BAZ1A: variants seen among roughly 807,000 people sequenced by gnomAD.
The protein encoded by BAZ1A is bromodomain adjacent to zinc finger domain 1A.
Under a neutral mutation model 185.2 loss-of-function variants are expected in BAZ1A, and 50 were observed. The ratio of observed to expected loss-of-function variants is 0.27; its 90% CI spans 0.22 to 0.34. The LOEUF (loss-of-function observed/expected upper bound fraction) is 0.34, where lower values mean the gene tolerates loss of function less well. Among genes scored for constraint, BAZ1A ranks in the 10% least tolerant of loss-of-function variants. BAZ1A has a pLI of 1.00. For missense variants in BAZ1A, 1,356 were observed against 1,839.9 expected (o/e 0.74, Z 4.81); for synonymous variants, 571 against 615.6 (o/e 0.93, Z 1.07).
chr14:34,827,963 T>C (rs1389565046), intron 3 of BAZ1A, among the ~76,000 whole-genome samples: 5 of 152,038 alleles, frequency 3.3e-5, no homozygotes, highest in African/African-American at 1.2e-4. Context: ...CTGGATTTTA[T>C]GGGCCATGAT....
intron 9 of BAZ1A, 48 bp downstream of exon 9, chr14:34,800,176 T>A (rs1312023259): frequency 8.0e-7 from 1 of 1,254,682 alleles, no homozygotes; most frequent in African/African-American, 1.6e-5. Flanking sequence ...ATATGTAAAG[T>A]AGTATTACTA....
intron 5 of BAZ1A, among the ~76,000 whole-genome samples, chr14:34,808,013 G>A (rs1313758539): frequency 2.0e-5 from 3 of 151,890 alleles, no homozygotes; most frequent in Non-Finnish European, 4.4e-5. Flanking sequence ...GCTGAGGCAG[G>A]AGAACAGCAT....
At position 34,774,424 on chromosome 14, in the gene BAZ1A, G is replaced by A. The variant is rs767515206; in HGVS notation, c.2900C>T (p.Ser967Phe). ...RGRSSNAYDP[S>F]QMCAEKQLEL... Reference sequence around the variant, plus strand: ...AAGTTGCTTTTCTGCACACATCTGAGATGGATCATATGCATTGGAAGATCT... The same window carrying A: ...AAGTTGCTTTTCTGCACACATCTGAAATGGATCATATGCATTGGAAGATCT... The change falls in exon 19 of 27, where the codon TCT becomes TTT. Residue 967 changes from serine (S) to phenylalanine (F), a missense_variant. Physicochemically the swap from Ser to Phe is radical, Grantham distance 155 (BLOSUM62 -2). Transcript: ENST00000360310. 1.2e-6 allele frequency: 2 copies of A among 1,613,288 alleles called. No individual in the cohort carries two copies. The highest frequency in any genetic ancestry group is 1.7e-5 in the Admixed American group (1 of 59,882).
At position 34,800,405 on chromosome 14, in the gene BAZ1A, C is replaced by A; in HGVS notation, c.962-15G>T. The A allele has an allele frequency of 6.5e-7, 1 of 1,527,058 alleles. No individual in the cohort carries two copies. The highest frequency in any genetic ancestry group is 1.3e-5 in the South Asian group (1 of 78,358). The allele number at this position is 1,527,058 out of a possible 1,614,324, so 94.6% of individuals were successfully genotyped here. ...CTTTTCAAAAGCTGTGAAGAAAAAT[C>A]AAACTTAGAACTATATATATAGACA... On this transcript the variant is annotated splice_polypyrimidine_tract_variant and intron_variant, in intron 8 of 26. Transcript: ENST00000360310.
chr14:34,832,653 A>G (rs962159932), intron 3 of BAZ1A, among the ~76,000 whole-genome samples: 8 of 152,170 alleles, frequency 5.3e-5, no homozygotes, highest in Non-Finnish European at 5.9e-5. Flanking sequence ...CTTTTTTTTA[A>G]ACACAGAAAT....
intron 20 of BAZ1A, among the ~76,000 whole-genome samples, chr14:34,771,866 C>T (rs1879244230): frequency 1.3e-5 from 2 of 152,052 alleles, no homozygotes; most frequent in Admixed American, 1.3e-4. Context: ...AGAGGGAAGG[C>T]TTATGGGAAA....
At chr14:34,775,863 G>T in intron 18 of BAZ1A, 56 bp downstream of exon 18, 2 of 1,389,056 alleles carry the variant, frequency 1.4e-6, no homozygotes, top group South Asian at 2.8e-5. Context: ...AATCCTGAAT[G>T]ACCAGAGATT....
intron 3 of BAZ1A, among the ~76,000 whole-genome samples, chr14:34,853,647 C>T (rs183564313): frequency 2.0e-5 from 3 of 152,198 alleles, no homozygotes; most frequent in African/African-American, 4.8e-5. Flanking sequence ...ATTAGCCAGG[C>T]GTGGTGGCAC....
intron 4 of BAZ1A, among the ~76,000 whole-genome samples, chr14:34,825,444 T>C (rs1333813000): frequency 2.4e-4 from 8 of 33,420 alleles, no homozygotes; most frequent in Non-Finnish European, 4.0e-4. Flanking sequence ...GGAAACTCTG[T>C]CTCAAAAAAA....
In BAZ1A at chr14:34,874,839, C is replaced by A; in HGVS notation, c.-58-177G>T. On this transcript the variant is annotated intron_variant, in intron 1 of 26. Coordinates refer to ENST00000360310, the MANE Select transcript of BAZ1A (RefSeq NM_013448.3). This position sits in a 1 kb window ranked among gnomAD's most constrained non-coding sequence, Gnocchi z 4.7. Reference sequence around the variant, plus strand: ...CCGGGTGTCGAGCGAGCGGAGCCGCCGCCGCCCCTGCCCCCCGAGCGCGCC... The same window carrying A: ...CCGGGTGTCGAGCGAGCGGAGCCGCAGCCGCCCCTGCCCCCCGAGCGCGCC... 2 of 437,312 alleles carry A rather than the reference C, an allele frequency of 4.6e-6. No individual in the cohort carries two copies. The highest frequency in any genetic ancestry group is 8.1e-6 in the Non-Finnish European group (2 of 247,452). 27.1% of individuals were successfully genotyped at this position (437,312 alleles called of 1,614,324 possible).
rs200120822 is a variant in BAZ1A, at chr14:34,780,261, C to G, written c.2161G>C (p.Glu721Gln). The G allele has an allele frequency of 3.5e-5, 57 of 1,613,498 alleles. No homozygotes were observed. Among genetic ancestry groups the G allele is most frequent in the Middle Eastern group, 3.3e-4 (2 of 6,076 alleles). Residue 721 changes from glutamate to glutamine, a missense_variant, in exon 17 of 27, where the codon GAG (glutamate) becomes CAG (glutamine). This residue lies in a region of BAZ1A where 434 missense variants were observed against 561.7 expected (regional missense o/e 0.77). Coordinates refer to ENST00000360310, the MANE Select transcript of BAZ1A (RefSeq NM_013448.3). Reference protein sequence around the residue: ...FDTSIESKDTEQKELDQDMVT... With the variant: ...FDTSIESKDTQQKELDQDMVT... ...ATATCTTGATCTAATTCCTTTTGCT[C>G]TGTGTCTTTGCTCTCAATGCTAGTA...
chr14:34,811,113 A>G, intron 4 of BAZ1A, 77 bp from the exon 5 acceptor site: 1 of 1,007,662 alleles, frequency 9.9e-7, no homozygotes. Flanking sequence ...CTAGTTTCTA[A>G]GAATATACTA....
intron 6 of BAZ1A, among the ~76,000 whole-genome samples, chr14:34,803,959 A>T (rs1273013137): frequency 6.6e-6 from 1 of 152,100 alleles, no homozygotes; most frequent in Non-Finnish European, 1.5e-5. Flanking sequence ...ATCTCCTTTT[A>T]CCTTGTATCT....
At chr14:34,787,944 A>G (rs901315601) in intron 12 of BAZ1A, among the ~76,000 whole-genome samples, 4 of 152,174 alleles carry the variant, frequency 2.6e-5, no homozygotes, top group African/African-American at 7.2e-5. Context: ...GAGTCAGATA[A>G]TGTATATTCT....
intron 25 of BAZ1A, 79 bp downstream of exon 25, chr14:34,758,625 G>A (rs60358922): frequency 0.099 from 139,927 of 1,410,898 alleles, 7,687 homozygotes; most frequent in Middle Eastern, 0.18. Flanking sequence ...AGTAACAGGT[G>A]TTTTGACTAC....
intron 3 of BAZ1A, among the ~76,000 whole-genome samples, chr14:34,837,427 T>C (rs2042347848): frequency 6.7e-6 from 1 of 150,160 alleles, no homozygotes; most frequent in African/African-American, 2.5e-5. Context: ...TTTGTAGAGA[T>C]GCGTTTTTGC....
intron 9 of BAZ1A, among the ~76,000 whole-genome samples, chr14:34,796,171 C>CACACACACAA (rs1555340381): frequency 6.7e-6 from 1 of 150,088 alleles, no homozygotes; most frequent in African/African-American, 2.5e-5. Context: ...TACATACACA[C>CACACACACAA]ACACACACAC....
intron 11 of BAZ1A, among the ~76,000 whole-genome samples, chr14:34,794,384 C>T (rs1281062227): frequency 6.6e-6 from 1 of 152,228 alleles, no homozygotes; most frequent in Non-Finnish European, 1.5e-5. Context: ...GAAGTGGAGT[C>T]TATTCCACAA....
At chr14:34,778,366 G>T (rs1404838704) in intron 17 of BAZ1A, among the ~76,000 whole-genome samples, 1 of 152,206 alleles carries the variant, frequency 6.6e-6, no homozygotes. Flanking sequence ...TTGACAGTAT[G>T]TTGGAATTAA....
Sources: gnomAD v4.1 joint callset for allele counts (sites outside exome capture counted in the v4.1 genomes callset) on GRCh38, gnomAD v4.1.1 for gene constraint, gnomAD v4.1.1 regional missense constraint, Gnocchi (gnomAD v3.1) non-coding constraint, MANE v1.5 for transcripts, NCBI Gene and HGNC (gene_info 2026-07-23, HGNC 2026-07-21) for gene names.